Variants in NTM observed in about 807,000 individuals in gnomAD.
The protein encoded by NTM is IgLON family member 2.
In NTM, 13 loss-of-function variants were observed where a neutral mutation model predicts 42.1. That is an observed-to-expected ratio of 0.31 (90% confidence interval 0.20 to 0.49). The LOEUF (loss-of-function observed/expected upper bound fraction) is 0.49. Ranked by LOEUF, NTM falls within the 20% of genes least tolerant of loss-of-function variation. The pLI is 0.99. For synonymous variants in NTM, 187 were observed against 179.2 expected (o/e 1.04, Z -0.35); for missense variants, 373 against 452.8 (o/e 0.82, Z 1.60).
At chr11:131,580,256 A>G (rs1314880153) in intron 1 of NTM, among the ~76,000 whole-genome samples, 1 of 152,230 alleles carries the variant, frequency 6.6e-6, no homozygotes, top group Non-Finnish European at 1.5e-5. Context: ...TGTGGCATTA[A>G]TGCTGGCTGC....
intron 1 of NTM, among the ~76,000 whole-genome samples, chr11:131,382,497 A>G (rs1191184978): frequency 6.6e-6 from 1 of 150,612 alleles, no homozygotes; most frequent in Non-Finnish European, 1.5e-5. Flanking sequence ...ATCACTTGTG[A>G]AAAAAAAAAT....
chr11:131,838,317 T>C (rs2043781599), intron 1 of NTM, among the ~76,000 whole-genome samples: 1 of 152,150 alleles, frequency 6.6e-6, no homozygotes, highest in Non-Finnish European at 1.5e-5. Flanking sequence ...TATTAAGTAC[T>C]GGTGGGAAAC....
At chr11:132,327,074 A>AAAAC (rs1278378717) in intron 7 of NTM, among the ~76,000 whole-genome samples, 45 of 152,358 alleles carry the variant, frequency 3.0e-4, no homozygotes, top group African/African-American at 1.0e-3. Flanking sequence ...TTCTGCAAAC[A>AAAAC]AAACAGATTG....
intron 4 of NTM, among the ~76,000 whole-genome samples, chr11:132,305,183 G>T (rs557728060): frequency 6.6e-6 from 1 of 152,184 alleles, no homozygotes; most frequent in Admixed American, 6.5e-5. Flanking sequence ...TGACAAGTTG[G>T]CCCCTGCAAA....
Position 131,598,795 on chromosome 11 carries a change from T to C in NTM, c.82+227907T>C, listed in dbSNP as rs1592171741. Among the ~76,000 whole-genome samples, 4 of 99,654 alleles carry C rather than the reference T, an allele frequency of 4.0e-5. 2 individuals carry two copies. In the East Asian group the frequency reaches 1.4e-3, roughly 36 times the overall value. The allele number at this position is 99,654 out of a possible 152,430, so 65.4% of individuals were successfully genotyped here. A position where few individuals can be genotyped will look rare whatever the true frequency, so the allele number is the denominator to read the frequency against. Reference sequence around the variant, plus strand: ...CTTTCTTTCTTTCTTCTTTCTTTCTTTCTTTTTCTTTCTTTCTTCTTTCTT... The same window carrying C: ...CTTTCTTTCTTTCTTCTTTCTTTCTCTCTTTTTCTTTCTTTCTTCTTTCTT... On this transcript the variant is annotated intron_variant, in intron 1 of 8. Coordinates refer to ENST00000683400, the MANE Select transcript of NTM (RefSeq NM_001352005.2).
intron 1 of NTM, among the ~76,000 whole-genome samples, chr11:131,829,982 C>A (rs561104450): frequency 1.3e-4 from 20 of 152,214 alleles, no homozygotes; most frequent in Admixed American, 1.3e-3. Context: ...TGTATGTATT[C>A]TTTTGAGAAG....
At chr11:131,834,625 C>CACAT in intron 1 of NTM, among the ~76,000 whole-genome samples, 1 of 133,978 alleles carries the variant, frequency 7.5e-6, no homozygotes. Flanking sequence ...TATACATATA[C>CACAT]ATATATATAT....
At chr11:131,391,271 G>T (rs1002307002) in intron 1 of NTM, among the ~76,000 whole-genome samples, 1 of 151,890 alleles carries the variant, frequency 6.6e-6, no homozygotes, top group Non-Finnish European at 1.5e-5. Flanking sequence ...CAGCCTCTCC[G>T]CCACATACTT....
At chr11:132,071,184 ACG>A (rs1294880617) in intron 2 of NTM, among the ~76,000 whole-genome samples, 47 of 140,496 alleles carry the variant, frequency 3.3e-4, no homozygotes, top group African/African-American at 1.2e-3. Context: ...GTTAGTTAAC[ACG>A]TCACACAGCC....
chr11:131,747,914 T>A (rs1213235226), intron 1 of NTM, among the ~76,000 whole-genome samples: 3 of 152,166 alleles, frequency 2.0e-5, no homozygotes, highest in African/African-American at 7.2e-5. Flanking sequence ...AACCAACACA[T>A]CACCACCGTG....
At chr11:132,316,441 C>T (rs1296442416) in intron 7 of NTM, among the ~76,000 whole-genome samples, 1 of 152,180 alleles carries the variant, frequency 6.6e-6, no homozygotes, top group African/African-American at 2.4e-5. Context: ...GACGTTTCTA[C>T]CATTGCCAGC....
intron 1 of NTM, among the ~76,000 whole-genome samples, chr11:131,576,563 C>T (rs1216759431): frequency 1.3e-5 from 2 of 152,172 alleles, no homozygotes; most frequent in African/African-American, 2.4e-5. Context: ...CTAGTTCACA[C>T]CAACCCTTCA....
chr11:131,668,553 T>C (rs919102075), intron 1 of NTM, among the ~76,000 whole-genome samples: 11 of 151,868 alleles, frequency 7.2e-5, no homozygotes, highest in African/African-American at 2.7e-4. Context: ...AGGGGCAGGA[T>C]ATAATGAGTC....
Position 132,132,737 on chromosome 11 carries a change from A to G in NTM, c.168-13545A>G, listed in dbSNP as rs80334942. ...CATATATGAAAACTGAGTCACAGAA[A>G]GACTACGGACTCAGGCTTGTCGCAA... On this transcript the variant is annotated intron_variant, in intron 2 of 8. Coordinates refer to ENST00000683400, the MANE Select transcript of NTM (RefSeq NM_001352005.2). Among the ~76,000 whole-genome samples the G allele has an allele frequency of 3.6e-3, 546 of 152,280 alleles. 4 individuals are homozygous for G. The highest frequency in any genetic ancestry group is 0.011 in the African/African-American group (443 of 41,546).
At chr11:132,118,531 C>T (rs2064227625) in intron 2 of NTM, among the ~76,000 whole-genome samples, 1 of 152,142 alleles carries the variant, frequency 6.6e-6, no homozygotes, top group African/African-American at 2.4e-5. Flanking sequence ...AAGAAAGAAA[C>T]CTCGGAACAC....
At chr11:132,279,653 C>A (rs1448761753) in intron 4 of NTM, among the ~76,000 whole-genome samples, 1 of 152,140 alleles carries the variant, frequency 6.6e-6, no homozygotes, top group African/African-American at 2.4e-5. Flanking sequence ...ATCTTCCAGG[C>A]CTTTGTTTAT....
chr11:132,207,975 G>T (rs552194953), intron 3 of NTM, among the ~76,000 whole-genome samples: 3 of 152,150 alleles, frequency 2.0e-5, no homozygotes, highest in Admixed American at 1.3e-4. Context: ...GAAAAGGATG[G>T]TATCTTATTT....
chr11:131,812,183 C>T (rs890701577), intron 1 of NTM, among the ~76,000 whole-genome samples: 3 of 142,956 alleles, frequency 2.1e-5, no homozygotes, highest in African/African-American at 8.3e-5. Context: ...AATTAGTCAG[C>T]CTCTCTCTCT....
chr11:132,215,944 A>G (rs569854593), intron 4 of NTM, among the ~76,000 whole-genome samples: 10 of 152,242 alleles, frequency 6.6e-5, no homozygotes, highest in Non-Finnish European at 1.3e-4. Context: ...AAGTGCTAGC[A>G]TAGGGTACTA....
Sources: allele counts gnomAD v4.1 joint callset (sites outside exome capture counted in the v4.1 genomes callset), GRCh38; gene constraint gnomAD v4.1.1; transcripts MANE v1.5; gene names NCBI Gene and HGNC (gene_info 2026-07-23, HGNC 2026-07-21).